The following CMSS1 variants were observed in gnomAD, a reference collection of about 807,000 sequenced individuals.
CMSS1 encodes the protein cms1 ribosomal small subunit homolog.
CMSS1 carries 33 observed loss-of-function variants against 43.5 expected under a neutral mutation model. The ratio of observed to expected loss-of-function variants is 0.76; its 90% CI spans 0.57 to 1.01. The LOEUF is 1.01. Ranked by LOEUF, CMSS1 falls within the 50% of genes least tolerant of loss-of-function variation. The probability of loss-of-function intolerance (pLI) is 0.00; values close to 1 mark genes in which losing one functional copy is unlikely to be tolerated. For synonymous variants in CMSS1, 115 were observed against 117.2 expected, an observed-to-expected ratio of 0.98 and a Z score of 0.12; for missense variants, 313 against 326.4, an observed-to-expected ratio of 0.96 and a Z score of 0.32.
intron 1 of CMSS1, among the ~76,000 whole-genome samples, chr3:99,879,262 A>G (rs573189184): frequency 2.4e-4 from 36 of 152,294 alleles, no homozygotes; most frequent in African/African-American, 8.4e-4. Flanking sequence ...GGCAAGAAAC[A>G]AGGAGATACC....
At chr3:100,092,574 A>T (rs1310208830) in intron 1 of CMSS1, among the ~76,000 whole-genome samples, 5 of 150,810 alleles carry the variant, frequency 3.3e-5, no homozygotes, top group African/African-American at 9.8e-5. Flanking sequence ...CCCAGTACAC[A>T]TACCCCAGTT....
intron 1 of CMSS1, among the ~76,000 whole-genome samples, chr3:99,821,155 C>T (rs1411133168): frequency 6.6e-6 from 1 of 152,166 alleles, no homozygotes; most frequent in Non-Finnish European, 1.5e-5. Flanking sequence ...TTTCATGGCT[C>T]TTTAAAACCT....
At chr3:100,148,253 T>C (rs2107514972) in intron 2 of CMSS1, among the ~76,000 whole-genome samples, 1 of 152,228 alleles carries the variant, frequency 6.6e-6, no homozygotes, top group African/African-American at 2.4e-5. Context: ...AATTTCTTTA[T>C]CTTTTTGTAG....
At chr3:99,860,029 T>C (rs1257868046) in intron 1 of CMSS1, among the ~76,000 whole-genome samples, 2 of 152,188 alleles carry the variant, frequency 1.3e-5, no homozygotes, top group East Asian at 3.8e-4. Context: ...ACAGTAACAC[T>C]TTTTTTGGCA....
intron 1 of CMSS1, among the ~76,000 whole-genome samples, chr3:100,115,288 T>C (rs1027190337): frequency 9.9e-5 from 15 of 152,210 alleles, no homozygotes; most frequent in African/African-American, 3.6e-4. Flanking sequence ...AAATTAGTCC[T>C]ACTCCTGGTG....
chr3:99,891,789 A>G (rs1210737460), intron 1 of CMSS1, among the ~76,000 whole-genome samples: 2 of 152,204 alleles, frequency 1.3e-5, no homozygotes, highest in African/African-American at 4.8e-5. Context: ...CAGCTTACTA[A>G]TAAGCCACCA....
At chr3:100,164,585 T>TA (rs542695787) in intron 4 of CMSS1, among the ~76,000 whole-genome samples, 9 of 152,078 alleles carry the variant, frequency 5.9e-5, no homozygotes, top group Non-Finnish European at 1.2e-4. Flanking sequence ...TATTTTTAGT[T>TA]AAAAAAATTA....
chr3:99,861,388 A>G (rs1944245642), intron 1 of CMSS1, among the ~76,000 whole-genome samples: 1 of 152,190 alleles, frequency 6.6e-6, no homozygotes, highest in Non-Finnish European at 1.5e-5. Context: ...GCCTTGTATT[A>G]TCACAGATGT....
At chr3:100,049,433 C>T (rs2065332935) in intron 1 of CMSS1, among the ~76,000 whole-genome samples, 2 of 152,142 alleles carry the variant, frequency 1.3e-5, no homozygotes, top group Non-Finnish European at 2.9e-5. Context: ...GTTAATATGG[C>T]ACTAGAGTGT....
At chr3:100,013,294 A>G (rs550779494) in intron 1 of CMSS1, among the ~76,000 whole-genome samples, 2 of 151,814 alleles carry the variant, frequency 1.3e-5, no homozygotes, top group Non-Finnish European at 2.9e-5. Context: ...CCCAGGCTGG[A>G]GTGCAGTGGT....
intron 1 of CMSS1, among the ~76,000 whole-genome samples, chr3:99,971,697 G>A (rs1003683327): frequency 1.3e-5 from 2 of 152,138 alleles, no homozygotes; most frequent in Non-Finnish European, 2.9e-5. Flanking sequence ...CTCACACTGT[G>A]GACTCACAGG....
chr3:100,043,442 C>T (rs1051845891), intron 1 of CMSS1, among the ~76,000 whole-genome samples: 1 of 152,066 alleles, frequency 6.6e-6, no homozygotes, highest in African/African-American at 2.4e-5. Flanking sequence ...TCTCTTTTCC[C>T]TCATCCATAC....
intron 1 of CMSS1, among the ~76,000 whole-genome samples, chr3:99,983,446 GTATATA>G (rs1442427209): frequency 1.5e-4 from 13 of 87,806 alleles, no homozygotes; most frequent in African/African-American, 6.0e-4. Context: ...ATATATGTAT[GTATATA>G]TATATATGTG....
chr3:100,158,501 G>A (rs995853122), intron 2 of CMSS1, among the ~76,000 whole-genome samples: 2 of 152,186 alleles, frequency 1.3e-5, no homozygotes, highest in Non-Finnish European at 1.5e-5. Flanking sequence ...TTTCAATACT[G>A]TGGATTTGGA....
intron 1 of CMSS1, among the ~76,000 whole-genome samples, chr3:99,825,779 T>C (rs1285110139): frequency 6.8e-6 from 1 of 147,686 alleles, no homozygotes; most frequent in Non-Finnish European, 1.5e-5. Context: ...CTTTTTCTTT[T>C]TTTTTTTTTT....
At chr3:100,029,034 AT>A (rs1050766422) in intron 1 of CMSS1, among the ~76,000 whole-genome samples, 1 of 152,060 alleles carries the variant, frequency 6.6e-6, no homozygotes, top group Non-Finnish European at 1.5e-5. Context: ...TTTAAAAAAA[AT>A]TTTTTTGAGC....
chr3:100,087,341 C>T (rs1269662428), intron 1 of CMSS1, among the ~76,000 whole-genome samples: 3 of 152,214 alleles, frequency 2.0e-5, no homozygotes, highest in Admixed American at 6.5e-5. Flanking sequence ...TCCAGTTGCT[C>T]AGCAACCTCA....
rs867931080 is a variant in CMSS1, at chr3:100,007,532, C to T, written c.65-139441C>T. Among the ~76,000 whole-genome samples, 4 of 152,060 alleles carry T rather than the reference C, an allele frequency of 2.6e-5. No homozygotes were observed. The South Asian group carries it at 6.2e-4, about 24-fold the overall frequency. ...TAGTCAGCAGAAACAGTAAGAGATC[C>T]GTTATGTAATGAAGAAGAGAGTCAG... On this transcript the variant is annotated intron_variant, in intron 1 of 9. Transcript: ENST00000421999.
chr3:100,027,789 C>T (rs546163352), intron 1 of CMSS1, among the ~76,000 whole-genome samples: 1 of 152,230 alleles, frequency 6.6e-6, no homozygotes, highest in South Asian at 2.1e-4. Flanking sequence ...AGCAATAAGT[C>T]AGAGGAAGAT....
Sources: allele counts gnomAD v4.1 joint callset (sites outside exome capture counted in the v4.1 genomes callset), GRCh38; gene constraint gnomAD v4.1.1; transcripts MANE v1.5; gene names NCBI Gene and HGNC (gene_info 2026-07-23, HGNC 2026-07-21).